The following PCDH17 variants were observed in gnomAD, a reference collection of about 807,000 sequenced individuals.
PCDH17 encodes the protein protocadherin 17, also known as protocadherin-17.
In PCDH17, 21 loss-of-function variants were observed where a neutral mutation model predicts 67.7. The ratio of observed to expected loss-of-function variants is 0.31; its 90% CI spans 0.22 to 0.45. The LOEUF is 0.45. Ranked by LOEUF, PCDH17 falls within the 20% of genes least tolerant of loss-of-function variation. The pLI is 1.00. For synonymous variants in PCDH17, 701 were observed against 656.7 expected (o/e 1.07, Z -1.03); for missense variants, 1,471 against 1,564.8 (o/e 0.94, Z 1.01).
intron 3 of PCDH17, among the ~76,000 whole-genome samples, chr13:57,710,206 T>A (rs1688096825): frequency 6.6e-6 from 1 of 151,588 alleles, no homozygotes; most frequent in African/African-American, 2.4e-5. Context: ...TGTTGCCACC[T>A]GAATAACTGT....
intron 3 of PCDH17, among the ~76,000 whole-genome samples, chr13:57,668,562 A>G (rs1955282946): frequency 6.6e-6 from 1 of 152,062 alleles, no homozygotes; most frequent in Non-Finnish European, 1.5e-5. Flanking sequence ...GGTCTTATTT[A>G]TTAAGTATGA....
chr13:57,693,771 T>C, intron 3 of PCDH17, among the ~76,000 whole-genome samples: 1 of 151,060 alleles, frequency 6.6e-6, no homozygotes, highest in East Asian at 1.9e-4. Flanking sequence ...TCTCACATTT[T>C]ATAATCTCTT....
At chr13:57,674,711 T>C (rs1255738514) in intron 3 of PCDH17, among the ~76,000 whole-genome samples, 1 of 151,942 alleles carries the variant, frequency 6.6e-6, no homozygotes, top group Non-Finnish European at 1.5e-5. Context: ...ACTATTAAAA[T>C]TCAGACTAGT....
At chr13:57,698,420 A>T (rs2138071853) in intron 3 of PCDH17, among the ~76,000 whole-genome samples, 1 of 151,910 alleles carries the variant, frequency 6.6e-6, no homozygotes, top group Non-Finnish European at 1.5e-5. Context: ...GTTCTGTTTG[A>T]GATTAAAATT....
intron 3 of PCDH17, among the ~76,000 whole-genome samples, chr13:57,697,008 T>G (rs1042877394): frequency 1.3e-5 from 2 of 151,642 alleles, no homozygotes; most frequent in African/African-American, 2.4e-5. Context: ...TTAAGTAGGC[T>G]TGAAGAAATC....
chr13:57,685,627 T>C (rs968719098), intron 3 of PCDH17, among the ~76,000 whole-genome samples: 1 of 152,024 alleles, frequency 6.6e-6, no homozygotes, highest in African/African-American at 2.4e-5. Context: ...GAGTTGAGTA[T>C]AAAAGTTGGT....
Position 57,725,588 on chromosome 13 carries a change from G to T in PCDH17, c.*294G>T. The T allele has an allele frequency of 3.2e-6, 1 of 316,496 alleles. No individual in the cohort carries two copies. The highest frequency in any genetic ancestry group is 5.8e-6 in the Non-Finnish European group (1 of 171,686). 19.6% of individuals were successfully genotyped at this position (316,496 alleles called of 1,614,324 possible). ...GAGAGATGAAAAAGGAGGATGAGGA[G>T]AAGAATTACCTTTTGACAATCTGTT... On this transcript the variant is annotated 3_prime_UTR_variant, in exon 4 of 4. Transcript: ENST00000377918.
chr13:57,710,702 C>T (rs976357775), intron 3 of PCDH17, among the ~76,000 whole-genome samples: 3 of 151,870 alleles, frequency 2.0e-5, no homozygotes, highest in African/African-American at 7.2e-5. Context: ...TTAAGAAAAA[C>T]TTGCTACTGG....
At chr13:57,684,222 G>A (rs1955485973) in intron 3 of PCDH17, among the ~76,000 whole-genome samples, 1 of 151,754 alleles carries the variant, frequency 6.6e-6, no homozygotes, top group African/African-American at 2.4e-5. Flanking sequence ...GAATCCTAGA[G>A]GTTAGAAATA....
chr13:57,690,702 G>A (rs1345255856), intron 3 of PCDH17, among the ~76,000 whole-genome samples: 2 of 151,496 alleles, frequency 1.3e-5, no homozygotes, highest in East Asian at 3.9e-4. Context: ...CAATAAAACT[G>A]AAAATTTTCA....
intron 3 of PCDH17, among the ~76,000 whole-genome samples, chr13:57,722,163 C>A (rs1438144862): frequency 6.6e-6 from 1 of 152,124 alleles, no homozygotes; most frequent in Non-Finnish European, 1.5e-5. Context: ...AGCAAACAAT[C>A]ATTTTATGTT....
intron 1 of PCDH17, among the ~76,000 whole-genome samples, chr13:57,646,977 G>C (rs1405941331): frequency 6.6e-6 from 1 of 151,816 alleles, no homozygotes; most frequent in African/African-American, 2.4e-5. Flanking sequence ...CCAGGAACAA[G>C]TTTTCTCTTA....
chr13:57,653,320 G>T (rs1319147246), intron 1 of PCDH17, among the ~76,000 whole-genome samples: 1 of 151,908 alleles, frequency 6.6e-6, no homozygotes, highest in Admixed American at 6.6e-5. Flanking sequence ...ATTCCAGGGG[G>T]TATGACCTCG....
chr13:57,664,606 A>G (rs547325147), intron 1 of PCDH17, among the ~76,000 whole-genome samples: 1 of 152,324 alleles, frequency 6.6e-6, no homozygotes, highest in African/African-American at 2.4e-5. Flanking sequence ...AATAGTGCTT[A>G]CATTTTTTAA....
intron 1 of PCDH17, among the ~76,000 whole-genome samples, chr13:57,662,714 A>T (rs1248059022): frequency 6.6e-6 from 1 of 152,182 alleles, no homozygotes; most frequent in African/African-American, 2.4e-5. Flanking sequence ...GCATATCCTT[A>T]GGAATAGTTT....
Position 57,633,065 on chromosome 13 carries a change from C to T in PCDH17, c.519C>T (p.Arg173=), listed in dbSNP as rs376824185. The T allele has an allele frequency of 1.9e-6, 3 of 1,613,154 alleles. No homozygotes were observed. The highest frequency in any genetic ancestry group is 2.7e-5 in the African/African-American group (2 of 74,904). The change falls in exon 1 of 4, where the codon CGC becomes CGT. Residue 173 remains arginine (R), a synonymous_variant. Transcript: ENST00000377918. The surrounding 1 kb of genome is among the most constrained non-coding windows in gnomAD (Gnocchi z 6.2). ...ENGLRTYLLT[R]DDHGLFGLDV... is the part of the protein sequence containing the mutation. Reference sequence around the variant, plus strand: ...GGCTCCGCACCTACCTGCTCACGCGCGACGATCACGGCCTCTTTGGACTGG... The same window carrying T: ...GGCTCCGCACCTACCTGCTCACGCGTGACGATCACGGCCTCTTTGGACTGG...
At chr13:57,713,244 A>G (rs188248085) in intron 3 of PCDH17, among the ~76,000 whole-genome samples, 1 of 151,844 alleles carries the variant, frequency 6.6e-6, no homozygotes, top group East Asian at 1.9e-4. Flanking sequence ...GTCATTGCCA[A>G]TAAAACCTAT....
At chr13:57,676,188 TG>T (rs71083323) in intron 3 of PCDH17, among the ~76,000 whole-genome samples, 37,045 of 151,708 alleles carry the variant, frequency 0.24, 5,245 homozygotes, top group East Asian at 0.53. Flanking sequence ...CTCAGTAATG[TG>T]GAACATTTGA....
chr13:57,709,925 T>C (rs140768228), intron 3 of PCDH17, among the ~76,000 whole-genome samples: 1 of 152,008 alleles, frequency 6.6e-6, no homozygotes, highest in East Asian at 1.9e-4. Flanking sequence ...GCATTAATGC[T>C]CTTAGTATTT....
Sources: gnomAD v4.1 joint callset for allele counts (sites outside exome capture counted in the v4.1 genomes callset) on GRCh38, gnomAD v4.1.1 for gene constraint, Gnocchi (gnomAD v3.1) non-coding constraint, MANE v1.5 for transcripts, NCBI Gene and HGNC (gene_info 2026-07-23, HGNC 2026-07-21) for gene names.